Variants in NTM observed in about 807,000 individuals in gnomAD.
NTM encodes the protein IgLON family member 2.
Under a neutral mutation model 42.1 loss-of-function variants are expected in NTM, and 13 were observed. The observed-to-expected ratio is 0.31, with a 90% CI of 0.20 to 0.49. NTM has a LOEUF of 0.49. Ranked by LOEUF, NTM falls within the 20% of genes least tolerant of loss-of-function variation. NTM has a pLI of 0.99. For synonymous variants in NTM, 187 were observed against 179.2 expected (o/e 1.04, Z -0.35); for missense variants, 373 against 452.8 (o/e 0.82, Z 1.60).
chr11:131,402,472 G>A (rs1427140047), intron 1 of NTM, among the ~76,000 whole-genome samples: 3 of 151,612 alleles, frequency 2.0e-5, no homozygotes, highest in African/African-American at 2.4e-5. Context: ...AGTTTCCATG[G>A]GAAGTGTCAA....
At chr11:132,210,038 C>A (rs1224851938) in intron 3 of NTM, among the ~76,000 whole-genome samples, 1 of 152,128 alleles carries the variant, frequency 6.6e-6, no homozygotes, top group East Asian at 1.9e-4. Flanking sequence ...AGAGGCAAGA[C>A]CAGCATTAAA....
At chr11:131,385,270 AAGT>A (rs907223709) in intron 1 of NTM, 2 of 152,186 alleles carry the variant, frequency 1.3e-5, no homozygotes, top group African/African-American at 4.8e-5. Context: ...AAGGAGGAAA[AAGT>A]AGTATTCCCT....
intron 1 of NTM, among the ~76,000 whole-genome samples, chr11:131,776,787 T>G (rs994875371): frequency 2.6e-4 from 39 of 152,156 alleles, no homozygotes; most frequent in Non-Finnish European, 5.9e-5. Context: ...GGGATCCAGG[T>G]TCCTTCTGTC....
chr11:131,871,463 A>AG (rs2047774859), intron 1 of NTM, among the ~76,000 whole-genome samples: 1 of 152,240 alleles, frequency 6.6e-6, no homozygotes, highest in East Asian at 1.9e-4. Flanking sequence ...GAGGTATCAC[A>AG]GGCAGGCAGA....
At chr11:132,275,118 C>T (rs1328352693) in intron 4 of NTM, among the ~76,000 whole-genome samples, 1 of 151,996 alleles carries the variant, frequency 6.6e-6, no homozygotes, top group Non-Finnish European at 1.5e-5. Context: ...TTTGGCTACC[C>T]TAAGGTCATG....
chr11:132,066,648 G>A (rs571369900), intron 2 of NTM, among the ~76,000 whole-genome samples: 3 of 152,160 alleles, frequency 2.0e-5, no homozygotes, highest in Middle Eastern at 3.4e-3. Flanking sequence ...AGTGGCTTCC[G>A]GTATTCTTTG....
At chr11:132,320,118 A>G (rs141910450) in intron 7 of NTM, among the ~76,000 whole-genome samples, 4,982 of 152,324 alleles carry the variant, frequency 0.033, 261 homozygotes, top group African/African-American at 0.11. Flanking sequence ...CAATCAGTAC[A>G]TCACCATCAT....
chr11:131,456,277 A>C (rs1950883642), intron 1 of NTM, among the ~76,000 whole-genome samples: 1 of 152,218 alleles, frequency 6.6e-6, no homozygotes, highest in Non-Finnish European at 1.5e-5. Flanking sequence ...TACACTAGGC[A>C]GTTCCAGAAA....
intron 1 of NTM, among the ~76,000 whole-genome samples, chr11:131,430,469 C>G (rs1296757489): frequency 6.6e-6 from 1 of 152,098 alleles, no homozygotes; most frequent in Non-Finnish European, 1.5e-5. Context: ...TCTCCAGGTT[C>G]CAAGTCCATT....
At chr11:132,296,131 T>C (rs907135435) in intron 4 of NTM, among the ~76,000 whole-genome samples, 1 of 152,006 alleles carries the variant, frequency 6.6e-6, no homozygotes, top group Admixed American at 6.6e-5. Context: ...TAAGAGCAGA[T>C]GTAAGGGCAA....
intron 1 of NTM, among the ~76,000 whole-genome samples, chr11:131,712,079 A>G (rs1473066155): frequency 2.6e-5 from 4 of 151,126 alleles, no homozygotes; most frequent in South Asian, 2.1e-4. Flanking sequence ...ACATGTATAC[A>G]TATGTAACTA....
chr11:131,600,472 A>G (rs948748078), intron 1 of NTM, among the ~76,000 whole-genome samples: 8 of 152,196 alleles, frequency 5.3e-5, no homozygotes, highest in Non-Finnish European at 8.8e-5. Context: ...TCCATTTAGC[A>G]GCAATGGGCT....
intron 4 of NTM, among the ~76,000 whole-genome samples, chr11:132,297,198 T>C (rs1455877277): frequency 6.6e-6 from 1 of 152,200 alleles, no homozygotes; most frequent in Non-Finnish European, 1.5e-5. Flanking sequence ...CTTGTAGTTT[T>C]CTCCCAGAAT....
chr11:132,328,235 C>A (rs1284986604), intron 7 of NTM, among the ~76,000 whole-genome samples: 3 of 152,152 alleles, frequency 2.0e-5, no homozygotes, highest in Admixed American at 2.0e-4. Flanking sequence ...AATATCCTGG[C>A]ATTTCCACCT....
At chr11:131,476,716 G>T (rs1260118643) in intron 1 of NTM, among the ~76,000 whole-genome samples, 1 of 152,096 alleles carries the variant, frequency 6.6e-6, no homozygotes, top group African/African-American at 2.4e-5. Flanking sequence ...TGGTATGAGA[G>T]TTTAAGAGGG....
chr11:131,976,569 G>A (rs2064417489), intron 2 of NTM, among the ~76,000 whole-genome samples: 2 of 152,126 alleles, frequency 1.3e-5, no homozygotes, highest in Admixed American at 6.5e-5. Context: ...TTAGAAGAAT[G>A]TTTCAGTGTC....
chr11:131,857,622 G>A (rs1032861059), intron 1 of NTM, among the ~76,000 whole-genome samples: 3 of 152,184 alleles, frequency 2.0e-5, no homozygotes, highest in African/African-American at 7.2e-5. Flanking sequence ...AGGACAAGCA[G>A]TCAGGAAAAA....
intron 1 of NTM, among the ~76,000 whole-genome samples, chr11:131,873,889 T>C (rs61901687): frequency 0.076 from 10,694 of 140,494 alleles, 586 homozygotes; most frequent in Non-Finnish European, 0.12. Context: ...CTCCCACTTA[T>C]GAGTGAGAAC....
chr11:131,914,459 G>A (rs2055917348), intron 2 of NTM, among the ~76,000 whole-genome samples: 1 of 152,126 alleles, frequency 6.6e-6, no homozygotes, highest in Non-Finnish European at 1.5e-5. Context: ...GATACATGTA[G>A]TTTTCTTCAT....
Sources: gnomAD v4.1 joint callset for allele counts (sites outside exome capture counted in the v4.1 genomes callset) on GRCh38, gnomAD v4.1.1 for gene constraint, MANE v1.5 for transcripts, NCBI Gene and HGNC (gene_info 2026-07-23, HGNC 2026-07-21) for gene names.